HOXB5: variants seen among roughly 807,000 people sequenced by gnomAD.
HOXB5 encodes the protein homeobox B5.
A neutral mutation model predicts 19.6 loss-of-function variants in HOXB5; 10 were observed. The observed-to-expected ratio is 0.51, with a 90% CI of 0.32 to 0.87. The LOEUF (loss-of-function observed/expected upper bound fraction) is 0.87. Ranked by LOEUF, HOXB5 falls within the 40% of genes least tolerant of loss-of-function variation. The pLI, the probability that HOXB5 is intolerant of heterozygous loss-of-function variation, is 0.04. For synonymous variants in HOXB5, 167 were observed against 156.9 expected (o/e 1.06, Z -0.48); for missense variants, 353 against 369.6 (o/e 0.96, Z 0.37).
Position 48,593,254 on chromosome 17 carries a change from C to A in HOXB5, c.429G>T (p.Glu143Asp), listed in dbSNP as rs1283814838. ...GGCTGCTTAGCTGGCTTGCCGCTTC[C>A]TCAGGCTCCGAGGACGCGCTGGCCT... is the stretch of plus-strand genomic sequence containing the variant. Reference protein sequence around the residue: ...IDEASASSEPEEAASQLSSPS... With the variant: ...IDEASASSEPDEAASQLSSPS... Residue 143 changes from glutamate (E) to aspartate (D), a missense_variant, in exon 1 of 2, where the codon GAG (glutamate) becomes GAT (aspartate). Coordinates refer to ENST00000239151, the MANE Select transcript of HOXB5 (RefSeq NM_002147.4). 1 of 1,613,754 alleles carries A rather than the reference C, an allele frequency of 6.2e-7. No individual in the cohort carries two copies. Among genetic ancestry groups the A allele is most frequent in the African/African-American group, 1.3e-5 (1 of 74,942 alleles).
Position 48,593,770 on chromosome 17 carries a change from G to C in HOXB5, c.-88C>G, listed in dbSNP as rs1368386584. 1 of 845,742 alleles carries C rather than the reference G, an allele frequency of 1.2e-6. No homozygotes were observed. Among genetic ancestry groups the C allele is most frequent in the Non-Finnish European group, 1.7e-6 (1 of 602,534 alleles). The allele number at this position is 845,742 out of a possible 1,614,324, so 52.4% of individuals were successfully genotyped here. On this transcript the variant is annotated 5_prime_UTR_variant, in exon 1 of 2. In the 5' UTR this introduces an upstream ATG that the reference lacks. Coordinates refer to ENST00000239151, the MANE Select transcript of HOXB5 (RefSeq NM_002147.4). ...TTATGATGTATTAATGAATTATAGC[G>C]ATGCACTGTACTTCGTTTTGCTATG...
chr17:48,593,064 C>CCCCCCCCAAAA, intron 1 of HOXB5, 57 bp downstream of exon 1: 1 of 725,180 alleles, frequency 1.4e-6, no homozygotes, highest in Non-Finnish European at 2.2e-6. Context: ...CCCCCCGATC[C>CCCCCCCCAAAA]CACCCCAAAA....
Position 48,593,386 on chromosome 17 carries a change from G to C in HOXB5, c.297C>G (p.Ser99=). ...GGCTGTCGCCGTTGGTGCAGGGCAG[G>C]GACTCGGGCGAGGACAGGGAGCAGC... ...ASSCSLSSPE[S]LPCTNGDSHG... is the part of the protein sequence containing the mutation. The change falls in exon 1 of 2, where the codon TCC becomes TCG. Residue 99 remains serine (S), a synonymous_variant. Coordinates refer to ENST00000239151, the MANE Select transcript of HOXB5 (RefSeq NM_002147.4). 2.5e-6 allele frequency: 4 copies of C among 1,602,926 alleles called. No individual in the cohort carries two copies. Among genetic ancestry groups the C allele is most frequent in the Non-Finnish European group, 3.4e-6 (4 of 1,172,984 alleles).
Position 48,592,416 on chromosome 17 carries a change from A to G in HOXB5, c.603T>C (p.Tyr201=). The G allele has an allele frequency of 1.9e-6, 3 of 1,612,434 alleles. No homozygotes were observed. The highest frequency in any genetic ancestry group is 2.5e-6 in the Non-Finnish European group (3 of 1,179,390). The change falls in exon 2 of 2, where the codon TAT becomes TAC. Residue 201 remains tyrosine (Y), a synonymous_variant. Coordinates refer to ENST00000239151, the MANE Select transcript of HOXB5 (RefSeq NM_002147.4). ...CCAGCTCCAGGGTCTGGTAGCGGGT[A>G]TACGCGGTCCGGGCCCTTTTCCCGT... ...GPDGKRARTA[Y]TRYQTLELEK... is the part of the protein sequence containing the mutation.
intron 1 of HOXB5, 54 bp from the exon 2 acceptor site, chr17:48,592,510 G>A: frequency 1.1e-6 from 1 of 881,744 alleles, no homozygotes; most frequent in South Asian, 1.4e-5. Context: ...TAAGGGAGGG[G>A]GCACTGGGTG....
In HOXB5 at chr17:48,592,029, A is replaced by C. The variant is rs1326522517; in HGVS notation, c.*180T>G. 9.9e-6 allele frequency: 5 copies of C among 502,580 alleles called. No homozygotes were observed. Among genetic ancestry groups the C allele is most frequent in the Admixed American group, 3.5e-5 (1 of 28,628 alleles). The allele number at this position is 502,580 out of a possible 1,614,324, so 31.1% of individuals were successfully genotyped here. A position where few individuals can be genotyped will look rare whatever the true frequency, so the allele number is the denominator to read the frequency against. ...TATTATTAACAATAATAACAAGATA[A>C]CCAGTCCAGGAGAGAGGGAGCCACA... On this transcript the variant is annotated 3_prime_UTR_variant, in exon 2 of 2. Transcript: ENST00000239151.
chr17:48,593,267 G>T lies in HOXB5; in HGVS notation c.416C>A (p.Ser139Tyr). The change falls in exon 1 of 2, where the codon TCC becomes TAC. Residue 139 changes from serine to tyrosine, a missense_variant. Physicochemically the swap from Ser to Tyr is moderately radical, Grantham distance 144. Transcript: ENST00000239151. ...NFTEIDEASA[S>Y]SEPEEAASQL... ...GCTTGCCGCTTCCTCAGGCTCCGAG[G>T]ACGCGCTGGCCTCGTCTATTTCGGT... is the stretch of plus-strand genomic sequence containing the variant. The T allele has an allele frequency of 1.2e-6, 2 of 1,613,792 alleles. No individual in the cohort carries two copies. Among genetic ancestry groups the T allele is most frequent in the South Asian group, 1.1e-5 (1 of 91,064 alleles).
At chr17:48,593,034 T>G in intron 1 of HOXB5, 87 bp downstream of exon 1, 1 of 1,023,600 alleles carries the variant, frequency 9.8e-7, no homozygotes. Context: ...ATATTTAGGG[T>G]AAAGCCAAGC....
chr17:48,593,216 C>G lies in HOXB5; in HGVS notation c.467G>C (p.Arg156Pro). 5 of 1,612,502 alleles carry G rather than the reference C, an allele frequency of 3.1e-6. No homozygotes were observed. Among genetic ancestry groups the G allele is most frequent in the Non-Finnish European group, 3.4e-6 (4 of 1,178,784 alleles). ...GGTGGCCATGGGCTCTGGCTGCGCC[C>G]GAGCTAGGCTGGGGCTGCTTAGCTG... is the stretch of plus-strand genomic sequence containing the variant. ...ASQLSSPSLARAQPEPMATST... is the reference protein window; with the variant it reads ...ASQLSSPSLAPAQPEPMATST... The change falls in exon 1 of 2, where the codon CGG becomes CCG. Residue 156 changes from arginine to proline, a missense_variant. By Grantham distance (103) the Arg-to-Pro change is moderately radical. Transcript: ENST00000239151.
At position 48,593,455 on chromosome 17, in the gene HOXB5, G is replaced by A. The variant is rs1176937684; in HGVS notation, c.228C>T (p.Phe76=). The A allele has an allele frequency of 1.9e-6, 3 of 1,611,242 alleles. No homozygotes were observed. The highest frequency in any genetic ancestry group is 2.7e-5 in the African/African-American group (2 of 74,908). ...AGCGGGGCTCCTGGGCGGGCGCGGGGAAGGCGCGCGAGCTCTCGCCCACCG... is the reference window on the plus strand; with the variant it reads ...AGCGGGGCTCCTGGGCGGGCGCGGGAAAGGCGCGCGAGCTCTCGCCCACCG... ...FGAVGESSRA[F]PAPAQEPRFR... Residue 76 remains phenylalanine (F), a synonymous_variant, in exon 1 of 2, where the codon TTC becomes TTT. Coordinates refer to ENST00000239151, the MANE Select transcript of HOXB5 (RefSeq NM_002147.4).
intron 1 of HOXB5, 125 bp downstream of exon 1, chr17:48,592,996 T>C (rs2070187352): frequency 2.8e-6 from 2 of 709,518 alleles, no homozygotes; most frequent in Non-Finnish European, 4.4e-6. Context: ...CCCTCTTAGA[T>C]ACTTCTCCCC....
intron 1 of HOXB5, 151 bp from the exon 2 acceptor site, chr17:48,592,607 A>C (rs762514825): frequency 3.9e-4 from 323 of 821,912 alleles, no homozygotes; most frequent in Middle Eastern, 3.6e-3. Flanking sequence ...CCCACATTCA[A>C]GCTCGATTTC....
chr17:48,593,653 C>G lies in HOXB5; in HGVS notation c.30G>C (p.Ser10=), dbSNP rs1273719951. ...AGTCCGGGCCATTTGGATAACGCCC[C>G]GAGAAGGAGTTTACAAAGTACGAGC... MSSYFVNSF[S]GRYPNGPDYQ... The change falls in exon 1 of 2, where the codon TCG becomes TCC. Residue 10 remains serine, a synonymous_variant. Transcript: ENST00000239151. 13 of 1,611,776 alleles carry G rather than the reference C, an allele frequency of 8.1e-6. No homozygotes were observed. Among genetic ancestry groups the G allele is most frequent in the South Asian group, 1.1e-5 (1 of 91,056 alleles).
Position 48,593,133 on chromosome 17 carries a change from G to A in HOXB5, c.550C>T (p.His184Tyr). 6.6e-7 allele frequency: 1 copy of A among 1,514,860 alleles called. No individual in the cohort carries two copies. The highest frequency in any genetic ancestry group is 8.9e-7 in the Non-Finnish European group (1 of 1,122,782). The allele number at this position is 1,514,860 out of a possible 1,614,324, so 93.8% of individuals were successfully genotyped here. A position where few individuals can be genotyped will look rare whatever the true frequency, so the allele number is the denominator to read the frequency against. ...PQIFPWMRKL[H>Y]ISHDMTGPDG... ...GAGAGAGAATTACCATGGCTGATGT[G>A]AAGCTTCCTCATCCAGGGGAATATT... Residue 184 changes from histidine (H) to tyrosine (Y), a missense_variant, in exon 1 of 2, where the codon CAC becomes TAC. By Grantham distance (83) the His-to-Tyr change is moderately conservative. Coordinates refer to ENST00000239151, the MANE Select transcript of HOXB5 (RefSeq NM_002147.4).
chr17:48,593,201 G>C lies in HOXB5; in HGVS notation c.482C>G (p.Pro161Arg). ...SPSLARAQPEPMATSTAAPEG... is the reference protein window; with the variant it reads ...SPSLARAQPERMATSTAAPEG... ...GGGCGCGGCTGTGGAGGTGGCCATG[G>C]GCTCTGGCTGCGCCCGAGCTAGGCT... Residue 161 changes from proline (P) to arginine (R), a missense_variant, in exon 1 of 2, where the codon CCC (proline) becomes CGC (arginine). Physicochemically the swap from Pro to Arg is moderately radical, Grantham distance 103. Transcript: ENST00000239151. The C allele has an allele frequency of 1.2e-6, 2 of 1,611,132 alleles. No individual in the cohort carries two copies. Among genetic ancestry groups the C allele is most frequent in the Non-Finnish European group, 1.7e-6 (2 of 1,177,948 alleles).
intron 1 of HOXB5, among the ~76,000 whole-genome samples, chr17:48,592,910 C>T (rs987085834): frequency 6.6e-6 from 1 of 152,194 alleles, no homozygotes; most frequent in African/African-American, 2.4e-5. Context: ...TAAGCCGAAG[C>T]TGGAAACAAA....
Position 48,593,562 on chromosome 17 carries a change from G to T in HOXB5, c.121C>A (p.His41Asn), listed in dbSNP as rs773798002. ...SGSYRDPAAMHTGSYGYNYNG... is the reference protein window; with the variant it reads ...SGSYRDPAAMNTGSYGYNYNG... Reference sequence around the variant, plus strand: ...TAATTGTAGCCGTAAGAGCCGGTGTGCATGGCAGCGGGATCCCTGTAAGAG... The same window carrying T: ...TAATTGTAGCCGTAAGAGCCGGTGTTCATGGCAGCGGGATCCCTGTAAGAG... The change falls in exon 1 of 2, where the codon CAC becomes AAC. Residue 41 changes from histidine (H) to asparagine (N), a missense_variant. His to Asn is a moderately conservative substitution (Grantham distance 68). Transcript: ENST00000239151. 1 of 1,613,198 alleles carries T rather than the reference G, an allele frequency of 6.2e-7. No individual in the cohort carries two copies. Among genetic ancestry groups the T allele is most frequent in the Non-Finnish European group, 8.5e-7 (1 of 1,180,036 alleles).
chr17:48,593,079 G>T, intron 1 of HOXB5, 42 bp downstream of exon 1: 1 of 617,294 alleles, frequency 1.6e-6, no homozygotes, highest in Non-Finnish European at 2.5e-6. Context: ...CCAAAACGCA[G>T]AGAAGGAAAG....
rs2070199419 is a variant in HOXB5 at position 48,593,443 on chromosome 17, G to C, written c.240C>G (p.Ala80=). The change falls in exon 1 of 2, where the codon GCC becomes GCG. Residue 80 remains alanine, a synonymous_variant. Transcript: ENST00000239151. ...CCGCTTGCCTGAAGCGGGGCTCCTG[G>C]GCGGGCGCGGGGAAGGCGCGCGAGC... The part of the protein sequence containing the change: ...GESSRAFPAP[A]QEPRFRQAAS... 19 of 1,610,750 alleles carry C rather than the reference G, an allele frequency of 1.2e-5. No homozygotes were observed. Among genetic ancestry groups the C allele is most frequent in the Non-Finnish European group, 1.5e-5 (18 of 1,178,070 alleles).
Sources: gnomAD v4.1 joint callset for allele counts (sites outside exome capture counted in the v4.1 genomes callset) on GRCh38, gnomAD v4.1.1 for gene constraint, MANE v1.5 for transcripts, NCBI Gene and HGNC (gene_info 2026-07-23, HGNC 2026-07-21) for gene names.